The following TMEM192 variants were observed in gnomAD, a reference collection of about 807,000 sequenced individuals.
The protein encoded by TMEM192 is transmembrane protein 192.
TMEM192 carries 20 observed loss-of-function variants against 26.7 expected under a neutral mutation model. That is an observed-to-expected ratio of 0.75 (90% CI 0.53 to 1.09). The LOEUF (loss-of-function observed/expected upper bound fraction) is 1.09, where lower values mean the gene tolerates loss of function less well. TMEM192 is among the 50% of genes least tolerant of loss of function. The pLI is 0.00. For synonymous variants in TMEM192, 124 were observed against 121.0 expected (o/e 1.02, Z -0.16); for missense variants, 304 against 322.6 (o/e 0.94, Z 0.44).
intron 1 of TMEM192, 65 bp from the exon 2 acceptor site, chr4:165,103,161 C>G: frequency 7.0e-7 from 1 of 1,437,834 alleles, no homozygotes; most frequent in East Asian, 2.4e-5. Flanking sequence ...TAAGACAAAT[C>G]TACTAAACTA....
intron 1 of TMEM192, 49 bp downstream of exon 1, chr4:165,112,698 A>G (rs1351306964): frequency 6.2e-7 from 1 of 1,606,724 alleles, no homozygotes; most frequent in South Asian, 1.1e-5. Flanking sequence ...CCCCGGCACA[A>G]GAAAAAGCGG....
Position 165,084,448 on chromosome 4 carries a change from C to T in TMEM192, c.677+1138G>A, listed in dbSNP as rs572906431. ...TCCTGACCTCAGGTGATCTACCCAC[C>T]TCGGCCTCCGAAAGTGCTGGGATTA... On this transcript the variant is annotated intron_variant, in intron 5 of 5. Coordinates refer to ENST00000306480, the MANE Select transcript of TMEM192 (RefSeq NM_001100389.2). Among the ~76,000 whole-genome samples, 6 of 151,958 alleles carry T rather than the reference C, an allele frequency of 3.9e-5. No individual in the cohort carries two copies. In the South Asian group the frequency reaches 1.2e-3, roughly 32 times the overall value.
chr4:165,097,490 T>A, intron 3 of TMEM192, among the ~76,000 whole-genome samples: 1 of 86,152 alleles, frequency 1.2e-5, no homozygotes, highest in East Asian at 3.7e-4. Context: ...CGAGACTCCA[T>A]CTCAAAAAAA....
At position 165,074,586 on chromosome 4, in the gene TMEM192, ACAGGTG is replaced by A. The variant is rs994104295; in HGVS notation, c.*5066_*5071del. 7 of 152,116 alleles carry A rather than the reference ACAGGTG, an allele frequency of 4.6e-5. No homozygotes were observed. The highest frequency in any genetic ancestry group is 1.3e-4 in the Admixed American group (2 of 15,244). 9.4% of individuals were successfully genotyped at this position (152,116 alleles called of 1,614,324 possible). On this transcript the variant is annotated 3_prime_UTR_variant, in exon 6 of 6. Transcript: ENST00000306480. ...CTCAGCCTCCTGAGTAGCTGGGATT[ACAGGTG>A]CACTTCACTGCACCTGGCTATTTTG...
At chr4:165,090,588 C>A (rs906772369) in intron 3 of TMEM192, among the ~76,000 whole-genome samples, 14 of 152,010 alleles carry the variant, frequency 9.2e-5, no homozygotes, top group Admixed American at 6.6e-5. Flanking sequence ...GTTTTGTGAA[C>A]CATTCTAGCA....
rs556977126 is a variant in TMEM192 at position 165,079,710 on chromosome 4, C to T, written c.764G>A (p.Arg255Gln). Residue 255 changes from arginine (R) to glutamine (Q), a missense_variant, in exon 6 of 6, where the codon CGA becomes CAA. Arg to Gln is a conservative substitution (Grantham distance 43). Coordinates refer to ENST00000306480, the MANE Select transcript of TMEM192 (RefSeq NM_001100389.2). The part of the protein sequence containing the change: ...LKRHNALLSK[R>Q]LLALTSSDLG... ...GTCTGAGGAAGTGAGAGCCAACAATCGCTTACTCAGCAGCGCATTGTGTCG... is the reference window on the plus strand; with the variant it reads ...GTCTGAGGAAGTGAGAGCCAACAATTGCTTACTCAGCAGCGCATTGTGTCG... 3.7e-5 allele frequency: 59 copies of T among 1,613,876 alleles called. No homozygotes were observed. Among genetic ancestry groups the T allele is most frequent in the South Asian group, 5.5e-5 (5 of 91,056 alleles).
rs59386121 is a variant in TMEM192, at chr4:165,079,111, C to T, written c.*547G>A. Reference sequence around the variant, plus strand: ...GTAGATCACCTGGTGAGACCTCAGTCCTATGGTGAGAAAAATTCTCTATAA... The same window carrying T: ...GTAGATCACCTGGTGAGACCTCAGTTCTATGGTGAGAAAAATTCTCTATAA... On this transcript the variant is annotated 3_prime_UTR_variant, in exon 6 of 6. Coordinates refer to ENST00000306480, the MANE Select transcript of TMEM192 (RefSeq NM_001100389.2). 0.27 allele frequency: 40,381 copies of T among 152,170 alleles called. 6,043 individuals are homozygous for T. Among genetic ancestry groups the T allele is most frequent in the Admixed American group, 0.4 (6,089 of 15,272 alleles). The allele number at this position is 152,170 out of a possible 1,614,324, so 9.4% of individuals were successfully genotyped here.
chr4:165,084,124 T>C lies in TMEM192; in HGVS notation c.677+1462A>G, dbSNP rs562667576. ...GCATGAGCCACCGCGCCCAGTCATG[T>C]TTTTTTCTTTTTCTTTTTTTAACTA... On this transcript the variant is annotated intron_variant, in intron 5 of 5. Transcript: ENST00000306480. 2.6e-5 allele frequency among the ~76,000 whole-genome samples: 4 copies of C among 151,906 alleles called. No individual in the cohort carries two copies. The East Asian group carries it at 5.8e-4, about 22-fold the overall frequency.
intron 1 of TMEM192, among the ~76,000 whole-genome samples, chr4:165,105,495 T>G (rs1256312153): frequency 2.0e-5 from 3 of 152,140 alleles, no homozygotes; most frequent in African/African-American, 7.2e-5. Flanking sequence ...TTTCCACATC[T>G]AAAAAGGAGA....
rs1292146432 is a variant in TMEM192, at chr4:165,111,430, C to T, written c.27+1317G>A. Among the ~76,000 whole-genome samples the T allele has an allele frequency of 4.6e-5, 7 of 152,306 alleles. No individual in the cohort carries two copies. The East Asian group carries it at 1.4e-3, about 29-fold the overall frequency. Reference sequence around the variant, plus strand: ...TGTTTGAGGAAGCAGATTTCTAGTACTATATGCATCCTAAAGCTAAAAGCT... The same window carrying T: ...TGTTTGAGGAAGCAGATTTCTAGTATTATATGCATCCTAAAGCTAAAAGCT... On this transcript the variant is annotated intron_variant, in intron 1 of 5. Transcript: ENST00000306480.
At chr4:165,110,539 C>T (rs551166719) in intron 1 of TMEM192, among the ~76,000 whole-genome samples, 6 of 152,280 alleles carry the variant, frequency 3.9e-5, no homozygotes, top group African/African-American at 1.4e-4. Flanking sequence ...AATCCCGTCT[C>T]TACTAAAAAT....
intron 3 of TMEM192, among the ~76,000 whole-genome samples, chr4:165,091,649 A>G (rs1734766798): frequency 1.3e-5 from 2 of 152,186 alleles, no homozygotes. Context: ...AAGGATAAAA[A>G]CAAAATACTC....
In TMEM192 at chr4:165,102,949, CAT is replaced by C; in HGVS notation, c.173_174del (p.His58ProfsTer18). On this transcript the variant is annotated frameshift_variant and splice_region_variant, in exon 2 of 6. Transcript: ENST00000306480. LOFTEE classifies it high-confidence loss of function. ...AGGTCCCCTTCTTGCAGCCAACTTA[CAT>C]GAATAAACCACAGAAGATTCACTAT... The part of the protein sequence containing the change: ...VIIVNLLWFI[H>X]LVFVVLAFLT... 1 of 1,608,272 alleles carries C rather than the reference CAT, an allele frequency of 6.2e-7. No homozygotes were observed. Among genetic ancestry groups the C allele is most frequent in the Non-Finnish European group, 8.5e-7 (1 of 1,177,526 alleles).
chr4:165,106,011 G>C (rs1578914230), intron 1 of TMEM192, among the ~76,000 whole-genome samples: 2 of 152,190 alleles, frequency 1.3e-5, no homozygotes, highest in African/African-American at 4.8e-5. Context: ...GAAGCAGAGA[G>C]CAACCCCTCC....
In TMEM192 at chr4:165,085,666, T is replaced by C. The variant is rs543559109; in HGVS notation, c.597A>G (p.Lys199=). ...IYTVKIRRFN[K]AKPEPDILEE... ...CAAGTATATCAGGCTCTGGTTTAGC[T>C]TTATTAAATCTCCGGATTTTCACTA... The change falls in exon 5 of 6, where the codon AAA becomes AAG. Residue 199 remains lysine (K), a synonymous_variant. Transcript: ENST00000306480. 6.2e-7 allele frequency: 1 copy of C among 1,609,048 alleles called. No homozygotes were observed. The highest frequency in any genetic ancestry group is 1.3e-5 in the African/African-American group (1 of 74,818).
chr4:165,093,429 T>C (rs988054009), intron 3 of TMEM192, among the ~76,000 whole-genome samples: 2 of 151,970 alleles, frequency 1.3e-5, no homozygotes, highest in Non-Finnish European at 2.9e-5. Flanking sequence ...AAGAAATACA[T>C]GCTAGGAAAA....
At position 165,100,691 on chromosome 4, in the gene TMEM192, A is replaced by G; in HGVS notation, c.376T>C (p.Tyr126His). ...CTTGTTGATCGGTAGATCAAGTTAT[A>G]GCCTCGGTTTCTGATTTTGCTGTGG... Reference protein sequence around the residue: ...YHHSKIRNRGYNLIYRSTRHL... With the variant: ...YHHSKIRNRGHNLIYRSTRHL... Residue 126 changes from tyrosine to histidine, a missense_variant, in exon 3 of 6, where the codon TAT becomes CAT. By Grantham distance (83) the Tyr-to-His change is moderately conservative. Coordinates refer to ENST00000306480, the MANE Select transcript of TMEM192 (RefSeq NM_001100389.2). 1.2e-6 allele frequency: 2 copies of G among 1,614,166 alleles called. No individual in the cohort carries two copies. The highest frequency in any genetic ancestry group is 1.7e-6 in the Non-Finnish European group (2 of 1,180,030).
intron 1 of TMEM192, among the ~76,000 whole-genome samples, chr4:165,109,081 A>G (rs1486978919): frequency 1.3e-5 from 2 of 152,194 alleles, no homozygotes; most frequent in East Asian, 1.9e-4. Flanking sequence ...GCAGAATGGT[A>G]TATCTATTCC....
intron 1 of TMEM192, among the ~76,000 whole-genome samples, chr4:165,110,201 T>C (rs1722349897): frequency 6.6e-6 from 1 of 152,226 alleles, no homozygotes; most frequent in Admixed American, 6.5e-5. Context: ...ATTTCCATTA[T>C]TAACTACATT....
Sources: gnomAD v4.1 joint callset for allele counts (sites outside exome capture counted in the v4.1 genomes callset) on GRCh38, gnomAD v4.1.1 for gene constraint, MANE v1.5 for transcripts, NCBI Gene and HGNC (gene_info 2026-07-23, HGNC 2026-07-21) for gene names.